FBH1: variants seen among roughly 807,000 people sequenced by gnomAD.
FBH1 encodes the protein DNA 3'-5' helicase 1.
Under a neutral mutation model 115.5 loss-of-function variants are expected in FBH1, and 43 were observed. The observed-to-expected ratio is 0.37, with a 90% confidence interval of 0.29 to 0.48. FBH1 has a LOEUF of 0.48. Ranked by LOEUF, FBH1 falls within the 20% of genes least tolerant of loss-of-function variation. FBH1 has a pLI of 0.99. For missense variants in FBH1, 1,001 were observed against 1,337.3 expected (o/e 0.75, Z 3.92); for synonymous variants, 524 against 507.8 (o/e 1.03, Z -0.43).
intron 1 of FBH1, among the ~76,000 whole-genome samples, chr10:5,898,919 C>T (rs1022909810): frequency 6.6e-6 from 1 of 152,218 alleles, no homozygotes; most frequent in Admixed American, 6.5e-5. Context: ...GATGAGACAT[C>T]TCCATCTCAT....
rs1831480003 is a variant in FBH1 at position 5,910,100 on chromosome 10, G to T, written c.1020+806G>T. Among the ~76,000 whole-genome samples, 1 of 152,166 alleles carries T rather than the reference G, an allele frequency of 6.6e-6. No homozygotes were observed. The highest frequency in any genetic ancestry group is 2.1e-4 in the South Asian group (1 of 4,826). On this transcript the variant is annotated intron_variant, in intron 5 of 20. Coordinates refer to ENST00000362091, the MANE Select transcript of FBH1 (RefSeq NM_178150.3). The surrounding 1 kb of genome is among the most constrained non-coding windows in gnomAD (Gnocchi z 4.8). ...AGTTCGAGACCAGCCTGGCCAACATGGTGAAACCCTGTCTCTACCAAAAAT... is the reference window on the plus strand; with the variant it reads ...AGTTCGAGACCAGCCTGGCCAACATTGTGAAACCCTGTCTCTACCAAAAAT...
Position 5,932,428 on chromosome 10 carries a change from T to C in FBH1, c.2830-4028T>C, listed in dbSNP as rs1476516108. Among the ~76,000 whole-genome samples the C allele has an allele frequency of 6.6e-6, 1 of 152,234 alleles. No individual in the cohort carries two copies. The highest frequency in any genetic ancestry group is 2.4e-5 in the African/African-American group (1 of 41,460). On this transcript the variant is annotated intron_variant, in intron 19 of 20. Coordinates refer to ENST00000362091, the MANE Select transcript of FBH1 (RefSeq NM_178150.3). This position sits in a 1 kb window ranked among gnomAD's most constrained non-coding sequence, Gnocchi z 5.9. ...TTTTACTCTTTTATTTTTTGCCCTTTTATTCTTTTATTTGTTGTCCTACCC... is the reference window on the plus strand; with the variant it reads ...TTTTACTCTTTTATTTTTTGCCCTTCTATTCTTTTATTTGTTGTCCTACCC...
Position 5,913,889 on chromosome 10 carries a change from C to G in FBH1, c.1304+50C>G, listed in dbSNP as rs1441508372. 5 of 1,386,446 alleles carry G rather than the reference C, an allele frequency of 3.6e-6. No homozygotes were observed. Among genetic ancestry groups the G allele is most frequent in the East Asian group, 2.3e-5 (1 of 43,684 alleles). 85.9% of individuals were successfully genotyped at this position (1,386,446 alleles called of 1,614,324 possible). The stretch of plus-strand genomic sequence containing the variant: ...GTGTTTTGTCTTCTGTCGACTCTTC[C>G]TCATACTTAAGGAGGGAGATGTTTT... On this transcript the variant is annotated intron_variant, in intron 7 of 20. Transcript: ENST00000362091. This position sits in a 1 kb window ranked among gnomAD's most constrained non-coding sequence, Gnocchi z 4.4.
At position 5,918,529 on chromosome 10, in the gene FBH1, A is replaced by G; in HGVS notation, c.2100+51A>G. The G allele has an allele frequency of 6.6e-7, 1 of 1,509,806 alleles. No individual in the cohort carries two copies. The highest frequency in any genetic ancestry group is 8.8e-7 in the Non-Finnish European group (1 of 1,133,610). The allele number at this position is 1,509,806 out of a possible 1,614,324, so 93.5% of individuals were successfully genotyped here. On this transcript the variant is annotated intron_variant, in intron 13 of 20. Transcript: ENST00000362091. The surrounding 1 kb of genome is among the most constrained non-coding windows in gnomAD (Gnocchi z 4.0). ...CATTGCATCTCTCTCCCAATGTCTT[A>G]CGTGCCAGGCCCTGTGAAAGGTGGT...
chr10:5,917,442 G>A lies in FBH1; in HGVS notation c.1811G>A (p.Arg604His), dbSNP rs775835608. ...TAGAATGGTGTCCTTGAAGCGAGCC[G>A]CCTCTGGGATAACATGCGGAAGCTG... is the stretch of plus-strand genomic sequence containing the variant. Reference protein sequence around the residue: ...EKLNGVLEASRLWDNMRKLGE... With the variant: ...EKLNGVLEASHLWDNMRKLGE... The change falls in exon 11 of 21, where the codon CGC becomes CAC. Residue 604 changes from arginine to histidine, a missense_variant. By Grantham distance (29) the Arg-to-His change is conservative. Transcript: ENST00000362091. This position sits in a 1 kb window ranked among gnomAD's most constrained non-coding sequence, Gnocchi z 5.6. 1.1e-5 allele frequency: 18 copies of A among 1,614,056 alleles called. No homozygotes were observed. The highest frequency in any genetic ancestry group is 8.3e-5 in the Admixed American group (5 of 60,008).
At position 5,915,657 on chromosome 10, in the gene FBH1, C is replaced by T. The variant is rs1672144409; in HGVS notation, c.1565+86C>T. ...CCCGTGACGATCACATGTGAGCTTA[C>T]ACCACAGTGACCCCGAGGAGTGTAG... On this transcript the variant is annotated intron_variant, in intron 9 of 20. Transcript: ENST00000362091. This position sits in a 1 kb window ranked among gnomAD's most constrained non-coding sequence, Gnocchi z 5.2. 7.8e-7 allele frequency: 1 copy of T among 1,285,350 alleles called. No homozygotes were observed. The highest frequency in any genetic ancestry group is 1.5e-5 in the African/African-American group (1 of 68,766). The allele number at this position is 1,285,350 out of a possible 1,614,324, so 79.6% of individuals were successfully genotyped here. A position where few individuals can be genotyped will look rare whatever the true frequency, so the allele number is the denominator to read the frequency against.
In FBH1 at chr10:5,903,161, A is replaced by G; in HGVS notation, c.143A>G (p.Lys48Arg). The part of the protein sequence containing the change: ...NHGLYPKPRT[K>R]RGSRGQGSQR... ...GGTCTCTATCCTAAACCGAGAACAAAAAGAGGGAGTAGGGGTATGTCTCCT... is the reference window on the plus strand; with the variant it reads ...GGTCTCTATCCTAAACCGAGAACAAGAAGAGGGAGTAGGGGTATGTCTCCT... The change falls in exon 2 of 21, where the codon AAA becomes AGA. Residue 48 changes from lysine (K) to arginine (R), a missense_variant. Lys to Arg is a conservative substitution (Grantham distance 26). Transcript: ENST00000362091. The G allele has an allele frequency of 3.7e-6, 6 of 1,611,590 alleles. No individual in the cohort carries two copies. Among genetic ancestry groups the G allele is most frequent in the Non-Finnish European group, 5.1e-6 (6 of 1,178,786 alleles).
In FBH1 at chr10:5,890,291, G is replaced by T; in HGVS notation, c.-55G>T. On this transcript the variant is annotated 5_prime_UTR_variant, in exon 1 of 21. Transcript: ENST00000362091. ...CTGCCGGGGGACGCTGGGCTGAGCGGCCGGCGGCGCGGGCCCGGCGGCGGC... is the reference window on the plus strand; with the variant it reads ...CTGCCGGGGGACGCTGGGCTGAGCGTCCGGCGGCGCGGGCCCGGCGGCGGC... 2.7e-6 allele frequency: 1 copy of T among 373,696 alleles called. No homozygotes were observed. Among genetic ancestry groups the T allele is most frequent in the Non-Finnish European group, 5.0e-6 (1 of 200,526 alleles). The allele number at this position is 373,696 out of a possible 1,614,324, so 23.1% of individuals were successfully genotyped here.
At chr10:5,916,845 T>C (rs145402172) in intron 10 of FBH1, among the ~76,000 whole-genome samples, 6 of 152,228 alleles carry the variant, frequency 3.9e-5, no homozygotes, top group African/African-American at 1.4e-4. Flanking sequence ...CTGTGAATTG[T>C]TGGGTATTTT....
At position 5,933,582 on chromosome 10, in the gene FBH1, A is replaced by C. The variant is rs1833098958; in HGVS notation, c.2830-2874A>C. 1.3e-5 allele frequency among the ~76,000 whole-genome samples: 2 copies of C among 151,722 alleles called. No homozygotes were observed. On this transcript the variant is annotated intron_variant, in intron 19 of 20. Transcript: ENST00000362091. The surrounding 1 kb of genome is among the most constrained non-coding windows in gnomAD (Gnocchi z 4.9). ...CGAGGAAGTCCCAGAAAAACTGCCT[A>C]TTTGTGGGAACAGATTTTTTAAGGC...
intron 1 of FBH1, 116 bp from the exon 2 acceptor site, chr10:5,902,904 G>A: frequency 1.1e-6 from 1 of 938,044 alleles, no homozygotes; most frequent in Non-Finnish European, 1.5e-6. Flanking sequence ...GGTTGGCTGG[G>A]GTGTTGACAA....
intron 19 of FBH1, chr10:5,928,648 C>T (rs994279698): frequency 4.6e-5 from 7 of 152,126 alleles, no homozygotes; most frequent in African/African-American, 1.4e-4. Context: ...GGTCAGCACT[C>T]ACTCTTTACC....
chr10:5,903,241 A>G lies in FBH1; in HGVS notation c.157+66A>G, dbSNP rs1227851907. 5 of 1,272,464 alleles carry G rather than the reference A, an allele frequency of 3.9e-6. No individual in the cohort carries two copies. The African/African-American group carries it at 6.1e-5, about 16-fold the overall frequency. The allele number at this position is 1,272,464 out of a possible 1,614,324, so 78.8% of individuals were successfully genotyped here. A position where few individuals can be genotyped will look rare whatever the true frequency, so the allele number is the denominator to read the frequency against. ...TGTGTGGGTCCTTTGACTATCTCCT[A>G]GTTTAAAAGTATTTGTAAATGTTGC... On this transcript the variant is annotated intron_variant, in intron 2 of 20. Transcript: ENST00000362091.
In FBH1 at chr10:5,927,416, TCCCC is replaced by T; in HGVS notation, c.2723-18_2723-15del. 6.4e-7 allele frequency: 1 copy of T among 1,572,930 alleles called. No individual in the cohort carries two copies. Among genetic ancestry groups the T allele is most frequent in the Non-Finnish European group, 8.7e-7 (1 of 1,151,648 alleles). ...TCTAAGGCTTTTTAGTTGATTTTTT[TCCCC>T]TTTACTTTGTTTAGAGTCATTTTCT... On this transcript the variant is annotated splice_polypyrimidine_tract_variant and intron_variant, in intron 18 of 20. Transcript: ENST00000362091.
chr10:5,890,461 C>T (rs1248999569), intron 1 of FBH1, 115 bp downstream of exon 1: 8 of 326,936 alleles, frequency 2.4e-5, no homozygotes, highest in African/African-American at 1.3e-4. Flanking sequence ...AGCGGGGGCC[C>T]CGGGGGCGCG....
At position 5,925,546 on chromosome 10, in the gene FBH1, G is replaced by A. The variant is rs1832593937; in HGVS notation, c.2722+54G>A. 2.4e-5 allele frequency: 38 copies of A among 1,603,964 alleles called. No homozygotes were observed. The highest frequency in any genetic ancestry group is 3.2e-5 in the Non-Finnish European group (38 of 1,175,498). Reference sequence around the variant, plus strand: ...CTGCTGTATGTAGTGAGTGGTGACTGGAATGCTTCCTTTGCACGGCCTTGT... The same window carrying A: ...CTGCTGTATGTAGTGAGTGGTGACTAGAATGCTTCCTTTGCACGGCCTTGT... On this transcript the variant is annotated intron_variant, in intron 18 of 20. Transcript: ENST00000362091. This position sits in a 1 kb window ranked among gnomAD's most constrained non-coding sequence, Gnocchi z 4.6.
intron 3 of FBH1, among the ~76,000 whole-genome samples, chr10:5,907,465 GTT>G (rs1420355921): frequency 6.5e-5 from 9 of 139,070 alleles, no homozygotes; most frequent in Non-Finnish European, 1.3e-4. Context: ...GTTTTTTGTT[GTT>G]GTTGGTTTTT....
rs1188259302 is a variant in FBH1, at chr10:5,906,635, G to A, written c.753+3G>A. On this transcript the variant is annotated splice_donor_region_variant and intron_variant, in intron 3 of 20. Transcript: ENST00000362091. The surrounding 1 kb of genome is among the most constrained non-coding windows in gnomAD (Gnocchi z 7.3). ...GGGAGATCATCAGTGACCCGCTGGT[G>A]AGTGAGTGCTGGAGTCGGGAGATGT... The A allele has an allele frequency of 1.3e-6, 2 of 1,599,006 alleles. No homozygotes were observed. Among genetic ancestry groups the A allele is most frequent in the East Asian group, 4.5e-5 (2 of 44,668 alleles).
chr10:5,909,480 A>C lies in FBH1; in HGVS notation c.1020+186A>C. ...GAAATAAAAGGCCATATAATTGTAG[A>C]GTCTTAGATGTAGATGAAATTTTAA... On this transcript the variant is annotated intron_variant, in intron 5 of 20. Coordinates refer to ENST00000362091, the MANE Select transcript of FBH1 (RefSeq NM_178150.3). The surrounding 1 kb of genome is among the most constrained non-coding windows in gnomAD (Gnocchi z 4.4). 1 of 655,940 alleles carries C rather than the reference A, an allele frequency of 1.5e-6. No homozygotes were observed. Among genetic ancestry groups the C allele is most frequent in the South Asian group, 2.3e-5 (1 of 43,476 alleles). 40.6% of individuals were successfully genotyped at this position (655,940 alleles called of 1,614,324 possible).
Sources: allele counts gnomAD v4.1 joint callset (sites outside exome capture counted in the v4.1 genomes callset), GRCh38; gene constraint gnomAD v4.1.1; non-coding constraint Gnocchi (gnomAD v3.1); transcripts MANE v1.5; gene names NCBI Gene and HGNC (gene_info 2026-07-23, HGNC 2026-07-21).